The following MEGF6 variants were observed in gnomAD, a reference collection of about 807,000 sequenced individuals.
MEGF6 encodes multiple epidermal growth factor-like domains protein 6.
Under a neutral mutation model 207.1 loss-of-function variants are expected in MEGF6, and 184 were observed. The ratio of observed to expected loss-of-function variants is 0.89; its 90% confidence interval spans 0.79 to 1.00. The LOEUF (loss-of-function observed/expected upper bound fraction) is 1.00, where lower values mean the gene tolerates loss of function less well. Ranked by LOEUF, MEGF6 falls within the 50% of genes least tolerant of loss-of-function variation. The probability of loss-of-function intolerance (pLI) is 0.00; values close to 1 mark genes in which losing one functional copy is unlikely to be tolerated. For missense variants in MEGF6, 2,282 were observed against 2,202.9 expected, an observed-to-expected ratio of 1.04 and a Z score of -0.72; for synonymous variants, 1,038 against 910.0, an observed-to-expected ratio of 1.14 and a Z score of -2.53.
Position 3,611,360 on chromosome 1 carries a change from GCC to G in MEGF6, c.-94_-93del. The G allele has an allele frequency of 7.5e-7, 1 of 1,337,112 alleles. No homozygotes were observed. Among genetic ancestry groups the G allele is most frequent in the South Asian group, 1.9e-5 (1 of 52,658 alleles). 82.8% of individuals were successfully genotyped at this position (1,337,112 alleles called of 1,614,324 possible). ...GCCTCCACGTGCGCCATAGGACGCA[GCC>G]ACAGGTGCCCGCGCCCGCTCCGCGG... On this transcript the variant is annotated 5_prime_UTR_variant, in exon 1 of 37. Coordinates refer to ENST00000356575, the MANE Select transcript of MEGF6 (RefSeq NM_001409.4).
At chr1:3,579,129 G>C (rs1165809543) in intron 4 of MEGF6, among the ~76,000 whole-genome samples, 3 of 152,246 alleles carry the variant, frequency 2.0e-5, no homozygotes, top group Admixed American at 6.5e-5. Flanking sequence ...GGCTCAGGCT[G>C]TCTGAGGCCA....
At position 3,512,099 on chromosome 1, in the gene MEGF6, G is replaced by GCT. The variant is rs1449243189; in HGVS notation, c.882_883insAG (p.Gln295SerfsTer39). 2 of 1,610,712 alleles carry GCT rather than the reference G, an allele frequency of 1.2e-6. No individual in the cohort carries two copies. Among genetic ancestry groups the GCT allele is most frequent in the Admixed American group, 3.3e-5 (2 of 59,904 alleles). On this transcript the variant is annotated frameshift_variant, in exon 8 of 37. Coordinates refer to ENST00000356575, the MANE Select transcript of MEGF6 (RefSeq NM_001409.4). LOFTEE classifies it high-confidence loss of function. ...GTGTTGAGGCAGCCATGGGCACACT[G>GCT]GGCCAGCCCTGCGGCACATTCGTCC...
chr1:3,529,555 G>C (rs1052925756), intron 4 of MEGF6, among the ~76,000 whole-genome samples: 2 of 152,206 alleles, frequency 1.3e-5, no homozygotes, highest in African/African-American at 4.8e-5. Context: ...GGCTAGATAC[G>C]AGACTATGGA....
At chr1:3,596,565 G>A in intron 2 of MEGF6, among the ~76,000 whole-genome samples, 1 of 76,528 alleles carries the variant, frequency 1.3e-5, no homozygotes, top group South Asian at 6.7e-4. Flanking sequence ...TCCACCCCAG[G>A]GCACCCCGCG....
intron 3 of MEGF6, among the ~76,000 whole-genome samples, chr1:3,580,472 TG>T (rs1179796943): frequency 6.6e-6 from 1 of 152,120 alleles, no homozygotes; most frequent in African/African-American, 2.4e-5. Flanking sequence ...TGACAGCGGC[TG>T]CCCTGGGGCT....
At chr1:3,620,022 A>G in the MEGF6 span, among the ~76,000 whole-genome samples, 3 of 152,146 alleles carry the variant, frequency 2.0e-5, no homozygotes, top group Non-Finnish European at 2.9e-5. Flanking sequence ...TGGGAACTGG[A>G]GCAAAGCTAT....
Position 3,594,208 on chromosome 1 carries a change from C to T in MEGF6, c.376+1130G>A, listed in dbSNP as rs1407782377. Among the ~76,000 whole-genome samples, 4 of 152,164 alleles carry T rather than the reference C, an allele frequency of 2.6e-5. No homozygotes were observed. The highest frequency in any genetic ancestry group is 4.8e-5 in the African/African-American group (2 of 41,444). ...CTTTGGAAGGCCGAGGTGGAAGGATCGCTTGAGCCTAGGAGCTCAAGACCA... is the reference window on the plus strand; with the variant it reads ...CTTTGGAAGGCCGAGGTGGAAGGATTGCTTGAGCCTAGGAGCTCAAGACCA... On this transcript the variant is annotated intron_variant, in intron 3 of 36. Coordinates refer to ENST00000356575, the MANE Select transcript of MEGF6 (RefSeq NM_001409.4). This position sits in a 1 kb window ranked among gnomAD's most constrained non-coding sequence, Gnocchi z 4.2.
At chr1:3,491,079 C>T (rs921519365) in intron 35 of MEGF6, 120 bp from the exon 36 acceptor site, 3 of 898,740 alleles carry the variant, frequency 3.3e-6, no homozygotes, top group African/African-American at 3.4e-5. Context: ...CGCACAGTCT[C>T]CTTCCCTTCT....
chr1:3,507,792 C>T lies in MEGF6; in HGVS notation c.1789+3G>A. On this transcript the variant is annotated splice_donor_region_variant and intron_variant, in intron 14 of 36. Transcript: ENST00000356575. ...CAGAAGCACCAGAAGAGGCTGCACG[C>T]ACCATCCTCACAGTTAGTTCCACTG... 6.2e-7 allele frequency: 1 copy of T among 1,612,768 alleles called. No homozygotes were observed. The highest frequency in any genetic ancestry group is 8.5e-7 in the Non-Finnish European group (1 of 1,179,884).
At chr1:3,561,463 A>G (rs528192355) in intron 4 of MEGF6, among the ~76,000 whole-genome samples, 1 of 152,220 alleles carries the variant, frequency 6.6e-6, no homozygotes, top group East Asian at 1.9e-4. Context: ...ACCTTCTGCC[A>G]TCAGCCCAGG....
chr1:3,572,674 C>G lies in MEGF6; in HGVS notation c.481+7151G>C, dbSNP rs531981503. On this transcript the variant is annotated intron_variant, in intron 4 of 36. Coordinates refer to ENST00000356575, the MANE Select transcript of MEGF6 (RefSeq NM_001409.4). ...TCCTTCCTGGTGTACTGGGTCCTCC[C>G]AGGTGTGCTGGGTCCTTCCTGAGTG... 3.5e-5 allele frequency among the ~76,000 whole-genome samples: 5 copies of G among 142,040 alleles called. No homozygotes were observed. In the South Asian group the frequency reaches 1.2e-3, roughly 33 times the overall value. 93.2% of individuals were successfully genotyped at this position (142,040 alleles called of 152,430 possible). A position where few individuals can be genotyped will look rare whatever the true frequency, so the allele number is the denominator to read the frequency against.
At chr1:3,517,343 C>T (rs542226484) in intron 5 of MEGF6, among the ~76,000 whole-genome samples, 22 of 152,308 alleles carry the variant, frequency 1.4e-4, no homozygotes, top group Middle Eastern at 3.4e-3. Context: ...CAGGGACCAC[C>T]GGGCATGGCG....
intron 5 of MEGF6, among the ~76,000 whole-genome samples, chr1:3,523,107 T>A (rs1357351358): frequency 6.6e-6 from 1 of 151,974 alleles, no homozygotes; most frequent in Admixed American, 6.5e-5. Flanking sequence ...CGAGCTGCTC[T>A]GCCACATCAC....
rs1440712934 is a variant in MEGF6, at chr1:3,556,626, A to C, written c.481+23199T>G. On this transcript the variant is annotated intron_variant, in intron 4 of 36. Transcript: ENST00000356575. The surrounding 1 kb of genome is among the most constrained non-coding windows in gnomAD (Gnocchi z 4.4). ...GACCCGGTGACTGCCTGAGGCCGGG[A>C]CACACTGGAGACGAATAGGACTGAC... is the stretch of plus-strand genomic sequence containing the variant. Among the ~76,000 whole-genome samples the C allele has an allele frequency of 6.6e-6, 1 of 152,136 alleles. No homozygotes were observed. The highest frequency in any genetic ancestry group is 1.5e-5 in the Non-Finnish European group (1 of 68,022).
chr1:3,501,985 C>G, intron 17 of MEGF6, 64 bp from the exon 18 acceptor site: 1 of 1,064,186 alleles, frequency 9.4e-7, no homozygotes, highest in African/African-American at 4.1e-5. Flanking sequence ...AGAGCCTTTC[C>G]CCCAGGGGCT....
rs901569668 is a variant in MEGF6, at chr1:3,560,401, T to C, written c.481+19424A>G. Among the ~76,000 whole-genome samples, 3 of 152,118 alleles carry C rather than the reference T, an allele frequency of 2.0e-5. No individual in the cohort carries two copies. The highest frequency in any genetic ancestry group is 4.4e-5 in the Non-Finnish European group (3 of 68,012). Reference sequence around the variant, plus strand: ...AGTGTCTCATGGCCTGGATCCACCATTGTAAGATCACGCAGAGGAGTTCCT... The same window carrying C: ...AGTGTCTCATGGCCTGGATCCACCACTGTAAGATCACGCAGAGGAGTTCCT... On this transcript the variant is annotated intron_variant, in intron 4 of 36. Coordinates refer to ENST00000356575, the MANE Select transcript of MEGF6 (RefSeq NM_001409.4). This position sits in a 1 kb window ranked among gnomAD's most constrained non-coding sequence, Gnocchi z 4.0.
intron 4 of MEGF6, among the ~76,000 whole-genome samples, chr1:3,549,524 G>T (rs539063988): frequency 6.6e-6 from 1 of 152,324 alleles, no homozygotes; most frequent in East Asian, 1.9e-4. Flanking sequence ...GGGCTTCTGG[G>T]GGCACATGGT....
intron 4 of MEGF6, among the ~76,000 whole-genome samples, chr1:3,542,169 G>C (rs1489285331): frequency 1.3e-5 from 2 of 152,194 alleles, no homozygotes; most frequent in African/African-American, 4.8e-5. Flanking sequence ...GCACAGTGTC[G>C]GGGCTGAATC....
chr1:3,523,730 T>A (rs1287846183), intron 5 of MEGF6, among the ~76,000 whole-genome samples: 1 of 152,124 alleles, frequency 6.6e-6, no homozygotes, highest in Non-Finnish European at 1.5e-5. Context: ...AAATCAAATG[T>A]AGGGGACATC....
Sources: gnomAD v4.1 joint callset for allele counts (sites outside exome capture counted in the v4.1 genomes callset) on GRCh38, gnomAD v4.1.1 for gene constraint, Gnocchi (gnomAD v3.1) non-coding constraint, MANE v1.5 for transcripts, NCBI Gene and HGNC (gene_info 2026-07-23, HGNC 2026-07-21) for gene names.